The following C7 variants were observed in gnomAD, a reference collection of about 807,000 sequenced individuals.
C7 encodes the protein complement C7.
In C7, 83 loss-of-function variants were observed where a neutral mutation model predicts 104.8. That is an observed-to-expected ratio of 0.79 (90% CI 0.66 to 0.95). C7 has a LOEUF of 0.95. Ranked by LOEUF, C7 falls within the 40% of genes least tolerant of loss-of-function variation. C7 has a pLI of 0.00. For missense variants in C7, 1,070 were observed against 1,011.2 expected (o/e 1.06, Z -0.79); for synonymous variants, 415 against 360.6 (o/e 1.15, Z -1.71).
At chr5:40,976,722 C>T (rs371285246) in intron 15 of C7, 28 bp from the exon 16 acceptor site, 821 of 1,523,576 alleles carry the variant, frequency 5.4e-4, no homozygotes, top group Non-Finnish European at 6.7e-4. Context: ...TTTCTCCTAA[C>T]GACCACATCT....
Position 40,979,760 on chromosome 5 carries a change from G to A in C7, c.2201G>A (p.Ser734Asn). The A allele has an allele frequency of 1.2e-6, 2 of 1,613,620 alleles. No individual in the cohort carries two copies. Among genetic ancestry groups the A allele is most frequent in the East Asian group, 2.2e-5 (1 of 44,878 alleles). ...SLDVCAQDER[S>N]KRILPLTVCK... ...GATGTATGTGCTCAAGATGAGAGAA[G>A]CAAAAGGATACTGCCTCTGACAGTT... is the stretch of plus-strand genomic sequence containing the variant. Residue 734 changes from serine to asparagine, a missense_variant, in exon 17 of 18, where the codon AGC (serine) becomes AAC (asparagine). Coordinates refer to ENST00000313164, the MANE Select transcript of C7 (RefSeq NM_000587.4).
In C7 at chr5:40,921,832, C is replaced by T. The variant is rs183289430; in HGVS notation, c.7-6748C>T. On this transcript the variant is annotated intron_variant, in intron 1 of 17. Transcript: ENST00000313164. ...TGGGTGGATCACGAGGTTAGGAGTT[C>T]GAGACCAGCCTGACCAACATGGTGA... 1.8e-4 allele frequency among the ~76,000 whole-genome samples: 28 copies of T among 151,544 alleles called. No homozygotes were observed. The East Asian group carries it at 4.3e-3, about 23-fold the overall frequency.
intron 5 of C7, 89 bp from the exon 6 acceptor site, chr5:40,937,463 T>C: frequency 7.5e-7 from 1 of 1,332,122 alleles, no homozygotes. Context: ...TTTGTAGAGT[T>C]CTGTAATAAA....
Position 40,926,524 on chromosome 5 carries a change from A to T in C7, c.7-2056A>T, listed in dbSNP as rs561362026. 7.9e-5 allele frequency among the ~76,000 whole-genome samples: 12 copies of T among 152,302 alleles called. No individual in the cohort carries two copies. The South Asian group carries it at 2.5e-3, about 32-fold the overall frequency. Reference sequence around the variant, plus strand: ...ATCTTATATGTAGAAAACCCTACAGACTCCACCAGAAAACTGTTAGAACTA... The same window carrying T: ...ATCTTATATGTAGAAAACCCTACAGTCTCCACCAGAAAACTGTTAGAACTA... On this transcript the variant is annotated intron_variant, in intron 1 of 17. Transcript: ENST00000313164.
At chr5:40,957,605 G>A (rs560380388) in intron 10 of C7, among the ~76,000 whole-genome samples, 25 of 151,932 alleles carry the variant, frequency 1.6e-4, no homozygotes, top group African/African-American at 5.6e-4. Context: ...ACAGACATGC[G>A]CCACCACACC....
chr5:40,921,769 G>A (rs1739443275), intron 1 of C7, among the ~76,000 whole-genome samples: 1 of 152,138 alleles, frequency 6.6e-6, no homozygotes, highest in East Asian at 1.9e-4. Flanking sequence ...GGGCATGGTG[G>A]CTTATGCCTG....
In C7 at chr5:40,943,818, T is replaced by C. The variant is rs149544836; in HGVS notation, c.568-1380T>C. On this transcript the variant is annotated intron_variant, in intron 6 of 17. Coordinates refer to ENST00000313164, the MANE Select transcript of C7 (RefSeq NM_000587.4). ...AAATAATGCTCTAATAAAAGATTTG[T>C]TGAAATCCATCTTCTTATCTTTCTT... 3.3e-3 allele frequency among the ~76,000 whole-genome samples: 496 copies of C among 148,124 alleles called. 4 individuals carry two copies. Among genetic ancestry groups the C allele is most frequent in the African/African-American group, 0.012 (481 of 40,124 alleles).
intron 13 of C7, among the ~76,000 whole-genome samples, chr5:40,964,131 C>T (rs1028433866): frequency 1.3e-5 from 2 of 149,832 alleles, no homozygotes; most frequent in African/African-American, 4.9e-5. Flanking sequence ...CAACCTCCGT[C>T]CCCCAGGTTC....
intron 15 of C7, among the ~76,000 whole-genome samples, chr5:40,975,810 A>T (rs189173688): frequency 1.3e-5 from 2 of 152,342 alleles, no homozygotes; most frequent in East Asian, 3.9e-4. Context: ...CAAAGTAAGG[A>T]AGTATTTCAT....
At chr5:40,942,728 A>G (rs1739965403) in intron 6 of C7, among the ~76,000 whole-genome samples, 1 of 151,336 alleles carries the variant, frequency 6.6e-6, no homozygotes, top group Non-Finnish European at 1.5e-5. Context: ...ATGGATTTGT[A>G]GTGGCACCAA....
chr5:40,911,802 G>C lies in C7; in HGVS notation c.6+2186G>C, dbSNP rs187654561. On this transcript the variant is annotated intron_variant, in intron 1 of 17. Coordinates refer to ENST00000313164, the MANE Select transcript of C7 (RefSeq NM_000587.4). ...TGCCCAGGCTGGAGTGCAGAGGTAC[G>C]ATCTCTGCTCACTCCAACTTCCGCC... Among the ~76,000 whole-genome samples, 45 of 149,892 alleles carry C rather than the reference G, an allele frequency of 3.0e-4. No individual in the cohort carries two copies. In the East Asian group the frequency reaches 8.7e-3, roughly 29 times the overall value.
chr5:40,972,254 T>G, intron 14 of C7, 149 bp from the exon 15 acceptor site: 2 of 677,828 alleles, frequency 3.0e-6, no homozygotes, highest in Non-Finnish European at 5.1e-6. Context: ...GACATGTCTT[T>G]CAGTCCACCC....
intron 1 of C7, among the ~76,000 whole-genome samples, chr5:40,925,978 A>G (rs1739542415): frequency 6.6e-6 from 1 of 152,224 alleles, no homozygotes; most frequent in Non-Finnish European, 1.5e-5. Flanking sequence ...ACATGCCAAC[A>G]TTCTTGATGA....
At chr5:40,947,214 C>T (rs1459240982) in intron 7 of C7, among the ~76,000 whole-genome samples, 3 of 150,922 alleles carry the variant, frequency 2.0e-5, no homozygotes, top group Non-Finnish European at 4.4e-5. Flanking sequence ...ATTCTTCTAC[C>T]TCAGCCACTT....
rs778394600 is a variant in C7, at chr5:40,981,617, G to T, written c.*44G>T. On this transcript the variant is annotated 3_prime_UTR_variant, in exon 18 of 18. Coordinates refer to ENST00000313164, the MANE Select transcript of C7 (RefSeq NM_000587.4). ...CAGCTTGCTTGGAATCCAGCAGGCA[G>T]CTGGGGCTGAGTGAAAACATCTGCA... 6.5e-6 allele frequency: 10 copies of T among 1,535,506 alleles called. No individual in the cohort carries two copies. Among genetic ancestry groups the T allele is most frequent in the Non-Finnish European group, 8.8e-6 (10 of 1,131,812 alleles).
chr5:40,964,776 A>T lies in C7; in HGVS notation c.1785A>T (p.Val595=). Residue 595 remains valine, a synonymous_variant, in exon 14 of 18, where the codon GTA becomes GTT. Coordinates refer to ENST00000313164, the MANE Select transcript of C7 (RefSeq NM_000587.4). ...CAATGTTTCCTGTGGGGAAAAATGT[A>T]GTGTACACTTGCAATGAAGGATACT... ...EGTMFPVGKN[V]VYTCNEGYSL... is the part of the protein sequence containing the mutation. 6.2e-7 allele frequency: 1 copy of T among 1,613,082 alleles called. No individual in the cohort carries two copies. Among genetic ancestry groups the T allele is most frequent in the Non-Finnish European group, 8.5e-7 (1 of 1,179,122 alleles).
At chr5:40,966,252 C>T (rs566055131) in intron 14 of C7, among the ~76,000 whole-genome samples, 21 of 152,098 alleles carry the variant, frequency 1.4e-4, no homozygotes, top group African/African-American at 5.1e-4. Context: ...GTCTTTTATC[C>T]CTTACCCCCT....
chr5:40,958,225 G>T lies in C7; in HGVS notation c.1453G>T (p.Ala485Ser). The T allele has an allele frequency of 6.2e-7, 1 of 1,611,944 alleles. No individual in the cohort carries two copies. The highest frequency in any genetic ancestry group is 8.5e-7 in the Non-Finnish European group (1 of 1,178,654). Residue 485 changes from alanine (A) to serine (S), a missense_variant, in exon 11 of 18, where the codon GCG (alanine) becomes TCG (serine). Coordinates refer to ENST00000313164, the MANE Select transcript of C7 (RefSeq NM_000587.4). Reference sequence around the variant, plus strand: ...TTGCAAACCGTACACATTTGGTGCGGCGTGTGAGCAAGGAGTCCTCGTAGG... The same window carrying T: ...TTGCAAACCGTACACATTTGGTGCGTCGTGTGAGCAAGGAGTCCTCGTAGG... ...CHCKPYTFGA[A>S]CEQGVLVGNQ...
At chr5:40,939,101 C>G (rs2111605201) in intron 6 of C7, among the ~76,000 whole-genome samples, 1 of 152,234 alleles carries the variant, frequency 6.6e-6, no homozygotes, top group South Asian at 2.1e-4. Flanking sequence ...TTTGTAAACC[C>G]AAACTACTGA....
Sources: gnomAD v4.1 joint callset for allele counts (sites outside exome capture counted in the v4.1 genomes callset) on GRCh38, gnomAD v4.1.1 for gene constraint, MANE v1.5 for transcripts, NCBI Gene and HGNC (gene_info 2026-07-23, HGNC 2026-07-21) for gene names.